The following TFEC variants were observed in gnomAD, a reference collection of about 807,000 sequenced individuals.
TFEC encodes class E basic helix-loop-helix protein 34.
TFEC carries 31 observed loss-of-function variants against 41.6 expected under a neutral mutation model. The observed-to-expected ratio is 0.74, with a 90% CI of 0.56 to 1.01. The LOEUF (loss-of-function observed/expected upper bound fraction) is 1.01. TFEC is among the 50% of genes least tolerant of loss of function. TFEC has a pLI of 0.00. For missense variants in TFEC, 402 were observed against 404.1 expected (o/e 0.99, Z 0.04); for synonymous variants, 143 against 140.6 (o/e 1.02, Z -0.12).
chr7:116,155,361 C>T (rs1043335284), intron 1 of TFEC, among the ~76,000 whole-genome samples: 1 of 152,192 alleles, frequency 6.6e-6, no homozygotes, highest in Non-Finnish European at 1.5e-5. Flanking sequence ...TATCGAAGGA[C>T]TATTTTACAA....
intron 3 of TFEC, among the ~76,000 whole-genome samples, chr7:116,045,672 G>T (rs573352984): frequency 6.6e-6 from 1 of 152,368 alleles, no homozygotes; most frequent in South Asian, 2.1e-4. Flanking sequence ...TGCGGGGTTT[G>T]AGCCCCCACA....
At chr7:116,095,699 G>A (rs76698364) in intron 3 of TFEC, among the ~76,000 whole-genome samples, 23,726 of 152,096 alleles carry the variant, frequency 0.16, 2,003 homozygotes, top group East Asian at 0.33. Context: ...TCAAAGGTCA[G>A]CTATGATCAC....
chr7:116,088,904 CTGAG>C (rs1325786735), intron 3 of TFEC, among the ~76,000 whole-genome samples: 1 of 152,006 alleles, frequency 6.6e-6, no homozygotes, highest in Non-Finnish European at 1.5e-5. Flanking sequence ...GGGAAATTTA[CTGAG>C]TGAGTACAAG....
intron 3 of TFEC, among the ~76,000 whole-genome samples, chr7:116,103,651 C>CA (rs1488485449): frequency 5.3e-5 from 8 of 152,030 alleles, no homozygotes; most frequent in Non-Finnish European, 1.2e-4. Flanking sequence ...GCCACAGGGT[C>CA]AGTTAACACG....
rs1424213374 is a variant in TFEC, at chr7:116,080,976, A to AGTGTATGTATGTGTGTGTGT, written c.198+29731_198+29732insACACACACACATACATACAC. ...ATCAACGAGTGGATAAAGAAAATGTAGTGTGTGTGTGTGTGTGTGTGTGTG... is the reference window on the plus strand; with the variant it reads ...ATCAACGAGTGGATAAAGAAAATGTAGTGTATGTATGTGTGTGTGTGTGTGTGTGTGTGTGTGTGTGTGTG... On this transcript the variant is annotated intron_variant, in intron 3 of 8. Transcript: ENST00000484212. 1.8e-4 allele frequency among the ~76,000 whole-genome samples: 25 copies of AGTGTATGTATGTGTGTGTGT among 138,016 alleles called. 1 individual carries two copies. The highest frequency in any genetic ancestry group is 6.2e-4 in the African/African-American group (23 of 37,010). 90.5% of individuals were successfully genotyped at this position (138,016 alleles called of 152,430 possible). A position where few individuals can be genotyped will look rare whatever the true frequency, so the allele number is the denominator to read the frequency against.
chr7:115,972,789 A>G (rs781468055), intron 3 of TFEC, among the ~76,000 whole-genome samples: 1 of 152,098 alleles, frequency 6.6e-6, no homozygotes, highest in Non-Finnish European at 1.5e-5. Flanking sequence ...TACTGAGTAA[A>G]CCATTCTACA....
intron 1 of TFEC, among the ~76,000 whole-genome samples, chr7:116,119,663 C>G (rs1458631167): frequency 2.6e-4 from 39 of 151,708 alleles, no homozygotes; most frequent in Admixed American, 2.6e-3. Flanking sequence ...GAAATGAGGA[C>G]TATTCACCGA....
intron 2 of TFEC, among the ~76,000 whole-genome samples, chr7:115,975,211 T>A (rs1362589847): frequency 6.6e-6 from 1 of 151,084 alleles, no homozygotes; most frequent in South Asian, 2.1e-4. Flanking sequence ...TTTAAAAAAA[T>A]GGTTGCTTCT....
At chr7:116,012,224 T>G (rs1228101085) in intron 1 of TFEC, among the ~76,000 whole-genome samples, 1 of 152,212 alleles carries the variant, frequency 6.6e-6, no homozygotes, top group East Asian at 1.9e-4. Flanking sequence ...AAAAAGTTCA[T>G]CTGATTGCAT....
At chr7:116,020,213 C>G (rs1341124524) in intron 1 of TFEC, among the ~76,000 whole-genome samples, 1 of 152,166 alleles carries the variant, frequency 6.6e-6, no homozygotes, top group African/African-American at 2.4e-5. Context: ...TTCCTAATCA[C>G]TTAGTAATTA....
intron 3 of TFEC, among the ~76,000 whole-genome samples, chr7:116,053,493 G>C (rs1421958756): frequency 6.6e-6 from 1 of 152,232 alleles, no homozygotes; most frequent in African/African-American, 2.4e-5. Flanking sequence ...CAAAAGTCAT[G>C]TTGAAACCTA....
At chr7:116,037,425 A>G (rs975965829) in intron 3 of TFEC, among the ~76,000 whole-genome samples, 1 of 151,978 alleles carries the variant, frequency 6.6e-6, no homozygotes, top group African/African-American at 2.4e-5. Context: ...GAAATCAGAC[A>G]TGGGTGCATA....
intron 1 of TFEC, among the ~76,000 whole-genome samples, chr7:116,130,937 T>C (rs9640767): frequency 0.15 from 23,575 of 152,206 alleles, 1,971 homozygotes; most frequent in East Asian, 0.33. Flanking sequence ...AAAGACTTCA[T>C]CTTCATTCCC....
At chr7:116,027,054 C>T (rs1247943723) in intron 1 of TFEC, among the ~76,000 whole-genome samples, 1 of 151,950 alleles carries the variant, frequency 6.6e-6, no homozygotes, top group East Asian at 1.9e-4. Flanking sequence ...TCAGATAGTT[C>T]AGTAGGTTCA....
chr7:116,135,195 G>A lies in TFEC; in HGVS notation c.-68-23157C>T, dbSNP rs545739000. 2.0e-5 allele frequency among the ~76,000 whole-genome samples: 3 copies of A among 152,160 alleles called. 1 individual carries two copies. The South Asian group carries it at 6.2e-4, about 32-fold the overall frequency. ...TGAAAACATTAAAATCTCTTTAGAA[G>A]CCTGAATAAAACTTTATTTTATAAA... is the stretch of plus-strand genomic sequence containing the variant. On this transcript the variant is annotated intron_variant, in intron 1 of 8. Coordinates refer to the TFEC transcript ENST00000484212.
chr7:116,134,485 C>G (rs1472031321), intron 1 of TFEC, among the ~76,000 whole-genome samples: 1 of 152,110 alleles, frequency 6.6e-6, no homozygotes, highest in Non-Finnish European at 1.5e-5. Flanking sequence ...TGTTTTCCAC[C>G]TAAATTCTAG....
Position 116,080,108 on chromosome 7 carries a change from T to C in TFEC, c.198+30600A>G, listed in dbSNP as rs527263210. On this transcript the variant is annotated intron_variant, in intron 3 of 8. Transcript: ENST00000484212. ...TGACATCCTATTCAACAAACCGTGC[T>C]GGGATAATTGGCAAGCCACATTAGA... Among the ~76,000 whole-genome samples the C allele has an allele frequency of 2.0e-5, 3 of 152,198 alleles. No individual in the cohort carries two copies. The East Asian group carries it at 5.8e-4, about 29-fold the overall frequency.
intron 2 of TFEC, among the ~76,000 whole-genome samples, chr7:115,982,843 A>C (rs948300531): frequency 2.0e-5 from 3 of 152,174 alleles, no homozygotes; most frequent in Non-Finnish European, 2.9e-5. Flanking sequence ...GTGTGCTTAA[A>C]GAATAAAAAA....
In TFEC at chr7:116,029,895, C is replaced by T. The variant is rs540458076; in HGVS notation, c.-73+738G>A. Among the ~76,000 whole-genome samples, 6 of 118,968 alleles carry T rather than the reference C, an allele frequency of 5.0e-5. No homozygotes were observed. In the South Asian group the frequency reaches 1.3e-3, roughly 27 times the overall value. 78.0% of individuals were successfully genotyped at this position (118,968 alleles called of 152,430 possible). Reference sequence around the variant, plus strand: ...CCAACATGGTGAAACTGCGTCTCTACTAAAGATACAAAAAAAAAAAATTAG... The same window carrying T: ...CCAACATGGTGAAACTGCGTCTCTATTAAAGATACAAAAAAAAAAAATTAG... On this transcript the variant is annotated intron_variant, in intron 1 of 7. Coordinates refer to ENST00000265440, the MANE Select transcript of TFEC (RefSeq NM_012252.4).
Sources: gnomAD v4.1 joint callset for allele counts (sites outside exome capture counted in the v4.1 genomes callset) on GRCh38, gnomAD v4.1.1 for gene constraint, MANE v1.5 for transcripts, NCBI Gene and HGNC (gene_info 2026-07-23, HGNC 2026-07-21) for gene names.